TMEM126A: variants seen among roughly 807,000 people sequenced by gnomAD.
TMEM126A encodes transmembrane protein 126A, also known as optic atrophy 7.
TMEM126A carries 10 observed loss-of-function variants against 18.3 expected under a neutral mutation model. The observed-to-expected ratio is 0.55, with a 90% CI of 0.34 to 0.93. TMEM126A has a LOEUF of 0.93. TMEM126A is among the 40% of genes least tolerant of loss of function. The pLI, the probability that TMEM126A is intolerant of heterozygous loss-of-function variation, is 0.02. For missense variants in TMEM126A, 246 were observed against 230.2 expected (o/e 1.07, Z -0.44); for synonymous variants, 68 against 78.1 (o/e 0.87, Z 0.68).
intron 3 of TMEM126A, 36 bp from the exon 4 acceptor site, chr11:85,655,558 C>G: frequency 6.9e-7 from 1 of 1,456,812 alleles, no homozygotes. Context: ...GCTTGACTAT[C>G]ATGACCTTCA....
rs1212501988 is a variant in TMEM126A at position 85,655,695 on chromosome 11, G to C, written c.382G>C (p.Gly128Arg). 1 of 1,612,684 alleles carries C rather than the reference G, an allele frequency of 6.2e-7. No individual in the cohort carries two copies. The highest frequency in any genetic ancestry group is 2.2e-5 in the East Asian group (1 of 44,810). The change falls in exon 4 of 5, where the codon GGT becomes CGT. Residue 128 changes from glycine (G) to arginine (R), a missense_variant. Gly to Arg is a moderately radical substitution (Grantham distance 125, BLOSUM62 -2). Transcript: ENST00000304511. ...TTTCTTGGCTATACCTGTAAATGGT[G>C]GTCTAGCAGCCAGGTAGGAAATAAA... ...PVFLAIPVNG[G>R]LAARYQSALL...
chr11:85,656,453 A>G lies in TMEM126A; in HGVS notation c.540A>G (p.Leu180=). The G allele has an allele frequency of 1.2e-6, 2 of 1,613,382 alleles. No homozygotes were observed. Among genetic ancestry groups the G allele is most frequent in the Non-Finnish European group, 1.7e-6 (2 of 1,179,636 alleles). Residue 180 remains leucine, a synonymous_variant, in exon 5 of 5, where the codon CTA becomes CTG. Coordinates refer to ENST00000304511, the MANE Select transcript of TMEM126A (RefSeq NM_032273.4). ...SAYLGSEQYK[L]LIKALQLSEP... is the part of the protein sequence containing the mutation. The stretch of plus-strand genomic sequence containing the variant: ...ACCTTGGGTCTGAACAATATAAACT[A>G]CTTATAAAGGCCCTTCAGTTATCTG...
chr11:85,655,464 G>A (rs1032198526), intron 3 of TMEM126A, 130 bp from the exon 4 acceptor site: 12 of 728,940 alleles, frequency 1.6e-5, no homozygotes, highest in Middle Eastern at 2.4e-4. Flanking sequence ...CTTTTAACAG[G>A]CTTTGTACAA....
In TMEM126A at chr11:85,654,234, TG is replaced by T. The variant is rs1279392485; in HGVS notation, c.259del (p.Val87Ter). ...CAACAGACTTAACTTACAGATGTTT[TG>T]TAAGTTTTCCTTTGAATACAGGTAA... ...LTTDLTYRCF[V>X]SFPLNTGDLD... is the part of the protein sequence containing the mutation. On this transcript the variant is annotated frameshift_variant, in exon 3 of 5. Transcript: ENST00000304511. LOFTEE classifies it high-confidence loss of function. 7 of 1,614,084 alleles carry T rather than the reference TG, an allele frequency of 4.3e-6. No homozygotes were observed. Among genetic ancestry groups the T allele is most frequent in the Non-Finnish European group, 5.9e-6 (7 of 1,180,026 alleles).
chr11:85,654,849 A>G (rs1005225856), intron 3 of TMEM126A, among the ~76,000 whole-genome samples: 1 of 150,342 alleles, frequency 6.7e-6, no homozygotes, highest in African/African-American at 2.4e-5. Flanking sequence ...AATTATATAT[A>G]TGGAAATATT....
intron 1 of TMEM126A, among the ~76,000 whole-genome samples, chr11:85,648,428 G>A (rs1478212016): frequency 6.6e-6 from 1 of 152,166 alleles, no homozygotes; most frequent in African/African-American, 2.4e-5. Context: ...TTCCAAGAAT[G>A]ACATGAGATA....
intron 1 of TMEM126A, among the ~76,000 whole-genome samples, chr11:85,648,386 A>G (rs1226670442): frequency 1.3e-5 from 2 of 152,210 alleles, no homozygotes; most frequent in East Asian, 3.8e-4. Context: ...TCTCTTTCAG[A>G]TAGGCCCCAC....
chr11:85,651,149 G>A (rs2082497135), intron 2 of TMEM126A, among the ~76,000 whole-genome samples: 1 of 149,450 alleles, frequency 6.7e-6, no homozygotes, highest in Non-Finnish European at 1.5e-5. Context: ...GGCAGCTAAT[G>A]TGTACTTCCA....
intron 2 of TMEM126A, 141 bp downstream of exon 2, chr11:85,650,482 C>G: frequency 1.5e-6 from 1 of 687,894 alleles, no homozygotes; most frequent in South Asian, 1.7e-5. Flanking sequence ...TGGATGAGAG[C>G]GTTTAACCAT....
intron 4 of TMEM126A, 103 bp from the exon 5 acceptor site, chr11:85,656,206 T>A: frequency 9.8e-7 from 1 of 1,020,826 alleles, no homozygotes. Context: ...ACTTTAATAT[T>A]CAGTTTTATC....
rs1346375979 is a variant in TMEM126A, at chr11:85,656,490, G to T, written c.577G>T (p.Glu193Ter). ...KALQLSEPGK[E>*]IH The stretch of plus-strand genomic sequence containing the variant: ...CCTTCAGTTATCTGAACCTGGCAAA[G>T]AAATTCACTGATTTTAAACAAATAT... The change falls in exon 5 of 5, where the codon GAA becomes TAA. Residue 193 changes from glutamate (E) to a stop codon, truncating the protein, a stop_gained. Coordinates refer to ENST00000304511, the MANE Select transcript of TMEM126A (RefSeq NM_032273.4). LOFTEE classifies it high-confidence loss of function. 6 of 1,612,114 alleles carry T rather than the reference G, an allele frequency of 3.7e-6. No homozygotes were observed. Among genetic ancestry groups the T allele is most frequent in the Admixed American group, 1.7e-5 (1 of 59,884 alleles).
intron 1 of TMEM126A, among the ~76,000 whole-genome samples, chr11:85,649,929 T>C (rs1344410505): frequency 2.0e-5 from 3 of 152,232 alleles, no homozygotes; most frequent in African/African-American, 7.2e-5. Flanking sequence ...TCTCCCCCAC[T>C]AGCTTATCTT....
At chr11:85,649,351 T>C (rs1322630540) in intron 1 of TMEM126A, among the ~76,000 whole-genome samples, 1 of 152,238 alleles carries the variant, frequency 6.6e-6, no homozygotes, top group Non-Finnish European at 1.5e-5. Flanking sequence ...ATGTAGGCCA[T>C]ATGCAGCCTA....
At chr11:85,651,558 G>C (rs1159034594) in intron 2 of TMEM126A, among the ~76,000 whole-genome samples, 1 of 152,174 alleles carries the variant, frequency 6.6e-6, no homozygotes. Flanking sequence ...CATTCTGGAA[G>C]CATAATCTTG....
Position 85,647,984 on chromosome 11 carries a change from AGCCAAAGATG to A in TMEM126A, c.-110_-101del, listed in dbSNP as rs1488543860. 6.6e-6 allele frequency: 1 copy of A among 152,422 alleles called. No individual in the cohort carries two copies. The highest frequency in any genetic ancestry group is 2.4e-5 in the African/African-American group (1 of 41,480). 9.4% of individuals were successfully genotyped at this position (152,422 alleles called of 1,614,324 possible). On this transcript the variant is annotated 5_prime_UTR_variant, in exon 1 of 5. An upstream start codon of the reference 5' UTR is lost. Coordinates refer to ENST00000304511, the MANE Select transcript of TMEM126A (RefSeq NM_032273.4). The stretch of plus-strand genomic sequence containing the variant: ...GCCCGCCCACGCCGCGTCACGAGTC[AGCCAAAGATG>A]GCTGCGCCCAGGTAATTTGAGCAAA...
chr11:85,654,331 A>T lies in TMEM126A; in HGVS notation c.280+75A>T. On this transcript the variant is annotated intron_variant, in intron 3 of 4. Transcript: ENST00000304511. ...TTGCAGCTTTAGTCCATACTTATTA[A>T]TATCAAGTAGCTGTATGCTGTAATG... 1.4e-6 allele frequency: 2 copies of T among 1,386,574 alleles called. 1 individual carries two copies. The highest frequency in any genetic ancestry group is 2.3e-5 in the South Asian group (2 of 85,376). 85.9% of individuals were successfully genotyped at this position (1,386,574 alleles called of 1,614,324 possible). A position where few individuals can be genotyped will look rare whatever the true frequency, so the allele number is the denominator to read the frequency against.
chr11:85,650,370 C>T lies in TMEM126A; in HGVS notation c.86+29C>T, dbSNP rs771936513. On this transcript the variant is annotated intron_variant, in intron 2 of 4. Transcript: ENST00000304511. ...AGATCCCTTCTTAATTTAAAAACACCTTTTATCAGGTGGATTTTCACCATT... is the reference window on the plus strand; with the variant it reads ...AGATCCCTTCTTAATTTAAAAACACTTTTTATCAGGTGGATTTTCACCATT... 47 of 1,455,524 alleles carry T rather than the reference C, an allele frequency of 3.2e-5. No homozygotes were observed. In the South Asian group the frequency reaches 5.2e-4, roughly 16 times the overall value. 90.2% of individuals were successfully genotyped at this position (1,455,524 alleles called of 1,614,324 possible).
intron 2 of TMEM126A, among the ~76,000 whole-genome samples, chr11:85,651,017 C>T (rs754657594): frequency 2.4e-5 from 3 of 126,262 alleles, no homozygotes; most frequent in Middle Eastern, 5.7e-3. Flanking sequence ...TGCAGTGAGC[C>T]GAGATCACAC....
At chr11:85,652,716 AT>A (rs1247011428) in intron 2 of TMEM126A, among the ~76,000 whole-genome samples, 1 of 151,900 alleles carries the variant, frequency 6.6e-6, no homozygotes, top group Non-Finnish European at 1.5e-5. Flanking sequence ...AAAGTTTGCT[AT>A]GCAGATTTCA....
Sources: gnomAD v4.1 joint callset for allele counts (sites outside exome capture counted in the v4.1 genomes callset) on GRCh38, gnomAD v4.1.1 for gene constraint, MANE v1.5 for transcripts, NCBI Gene and HGNC (gene_info 2026-07-23, HGNC 2026-07-21) for gene names.